RFXAP: variants seen among roughly 807,000 people sequenced by gnomAD.
RFXAP encodes the protein regulatory factor X associated protein, also known as regulatory factor X-associated protein.
Under a neutral mutation model 25.7 loss-of-function variants are expected in RFXAP, and 21 were observed. That is an observed-to-expected ratio of 0.82 (90% CI 0.58 to 1.18). The LOEUF (loss-of-function observed/expected upper bound fraction) is 1.18. Among genes scored for constraint, RFXAP ranks in the 50% most tolerant of loss-of-function variants. The pLI, the probability that RFXAP is intolerant of heterozygous loss-of-function variation, is 0.00. For missense variants in RFXAP, 333 were observed against 363.0 expected, an observed-to-expected ratio of 0.92 and a Z score of 0.67; for synonymous variants, 161 against 152.2, an observed-to-expected ratio of 1.06 and a Z score of -0.43.
intron 1 of RFXAP, among the ~76,000 whole-genome samples, chr13:36,824,562 T>C (rs1367465867): frequency 6.6e-6 from 1 of 152,134 alleles, no homozygotes; most frequent in Non-Finnish European, 1.5e-5. Flanking sequence ...CGGTAAAACA[T>C]TTATAATTTT....
At chr13:36,822,310 C>G (rs965325335) in intron 1 of RFXAP, among the ~76,000 whole-genome samples, 2 of 151,844 alleles carry the variant, frequency 1.3e-5, no homozygotes, top group Admixed American at 6.6e-5. Flanking sequence ...AGTCTGGTCT[C>G]GAACTCCTGA....
Position 36,819,953 on chromosome 13 carries a change from T to A in RFXAP, c.596T>A (p.Leu199His), listed in dbSNP as rs2057956723. 3 of 1,613,536 alleles carry A rather than the reference T, an allele frequency of 1.9e-6. No homozygotes were observed. The Admixed American group carries it at 5.0e-5, about 27-fold the overall frequency. The change falls in exon 1 of 3, where the codon CTC becomes CAC. Residue 199 changes from leucine to histidine, a missense_variant. Transcript: ENST00000255476. The stretch of plus-strand genomic sequence containing the variant: ...ACTGGCAGCGCGGGAAACGTCAAAC[T>A]CGAGGTATCAGACTTAGCTGAGGCC... Reference protein sequence around the residue: ...ASTGSAGNVKLEESADNILSI... With the variant: ...ASTGSAGNVKHEESADNILSI...
intron 1 of RFXAP, among the ~76,000 whole-genome samples, chr13:36,824,994 T>C (rs1370020540): frequency 1.3e-5 from 2 of 152,204 alleles, no homozygotes; most frequent in African/African-American, 2.4e-5. Context: ...TGAGTTCATA[T>C]ATTTCATCCA....
At position 36,819,475 on chromosome 13, in the gene RFXAP, G is replaced by A; in HGVS notation, c.118G>A (p.Ala40Thr). The A allele has an allele frequency of 6.6e-7, 1 of 1,518,880 alleles. No homozygotes were observed. Among genetic ancestry groups the A allele is most frequent in the Non-Finnish European group, 8.8e-7 (1 of 1,132,818 alleles). The allele number at this position is 1,518,880 out of a possible 1,614,324, so 94.1% of individuals were successfully genotyped here. The change falls in exon 1 of 3, where the codon GCG becomes ACG. Residue 40 changes from alanine (A) to threonine (T), a missense_variant. Transcript: ENST00000255476. ...PTLAPASVAAAASQFTLLVMQ... is the reference protein window; with the variant it reads ...PTLAPASVAATASQFTLLVMQ... ...CTTGGCGCCAGCCTCGGTGGCGGCC[G>A]CGGCCTCTCAATTCACCCTGCTAGT... is the stretch of plus-strand genomic sequence containing the variant.
intron 1 of RFXAP, 42 bp from the exon 2 acceptor site, chr13:36,825,386 C>T (rs373333634): frequency 1.6e-5 from 22 of 1,350,140 alleles, no homozygotes; most frequent in Admixed American, 6.7e-5. Flanking sequence ...TGACTTATTA[C>T]GTTAACTGTT....
In RFXAP at chr13:36,825,384, T is replaced by G. The variant is rs1186025485; in HGVS notation, c.601-44T>G. 3.7e-6 allele frequency: 5 copies of G among 1,338,222 alleles called. No individual in the cohort carries two copies. In the South Asian group the frequency reaches 5.9e-5, roughly 16 times the overall value. 82.9% of individuals were successfully genotyped at this position (1,338,222 alleles called of 1,614,324 possible). A position where few individuals can be genotyped will look rare whatever the true frequency, so the allele number is the denominator to read the frequency against. ...TGAAATACCTGTAATCATGACTTAT[T>G]ACGTTAACTGTTTATCTATTTGCAT... On this transcript the variant is annotated intron_variant, in intron 1 of 2. Coordinates refer to ENST00000255476, the MANE Select transcript of RFXAP (RefSeq NM_000538.4).
chr13:36,824,668 G>A (rs973395437), intron 1 of RFXAP, among the ~76,000 whole-genome samples: 4 of 152,098 alleles, frequency 2.6e-5, no homozygotes, highest in Non-Finnish European at 5.9e-5. Context: ...ATTTTGTTAT[G>A]CCAGCAAAAT....
At position 36,819,794 on chromosome 13, in the gene RFXAP, G is replaced by C; in HGVS notation, c.437G>C (p.Cys146Ser). ...SMSKTCTYEG[C>S]SETTSQVAKQ... Reference sequence around the variant, plus strand: ...AGCAAGACCTGCACCTACGAAGGCTGCAGCGAGACCACGAGCCAGGTGGCC... The same window carrying C: ...AGCAAGACCTGCACCTACGAAGGCTCCAGCGAGACCACGAGCCAGGTGGCC... The change falls in exon 1 of 3, where the codon TGC (cysteine) becomes TCC (serine). Residue 146 changes from cysteine (C) to serine (S), a missense_variant. Physicochemically the swap from Cys to Ser is moderately radical, Grantham distance 112 (BLOSUM62 -1). Transcript: ENST00000255476. 1.3e-6 allele frequency: 2 copies of C among 1,584,660 alleles called. No individual in the cohort carries two copies. Among genetic ancestry groups the C allele is most frequent in the South Asian group, 2.3e-5 (2 of 87,242 alleles).
intron 1 of RFXAP, among the ~76,000 whole-genome samples, chr13:36,821,214 TAAAAAAAAAAAAAA>T (rs10573140): frequency 6.7e-5 from 7 of 104,848 alleles, no homozygotes; most frequent in Admixed American, 1.1e-4. Flanking sequence ...CCTGTCTCCT[TAAAAAAAAAAAAAA>T]AAAAAAAAAA....
intron 1 of RFXAP, among the ~76,000 whole-genome samples, chr13:36,820,655 A>AG (rs1217667024): frequency 4.6e-5 from 7 of 152,042 alleles, no homozygotes; most frequent in Middle Eastern, 3.2e-3. Flanking sequence ...AGTACCCCTG[A>AG]GGGGGGAAAA....
At chr13:36,825,344 T>C in intron 1 of RFXAP, 84 bp from the exon 2 acceptor site, 1 of 1,026,104 alleles carries the variant, frequency 9.7e-7, no homozygotes, top group East Asian at 2.4e-5. Flanking sequence ...TGCAAAGACC[T>C]GTTCATTACA....
rs2138212562 is a variant in RFXAP at position 36,819,575 on chromosome 13, A to G, written c.218A>G (p.Tyr73Cys). The G allele has an allele frequency of 6.5e-7, 1 of 1,530,284 alleles. No individual in the cohort carries two copies. The highest frequency in any genetic ancestry group is 2.4e-5 in the East Asian group (1 of 41,098). 94.8% of individuals were successfully genotyped at this position (1,530,284 alleles called of 1,614,324 possible). A position where few individuals can be genotyped will look rare whatever the true frequency, so the allele number is the denominator to read the frequency against. The change falls in exon 1 of 3, where the codon TAC becomes TGC. Residue 73 changes from tyrosine (Y) to cysteine (C), a missense_variant. Physicochemically the swap from Tyr to Cys is radical, Grantham distance 194. Coordinates refer to ENST00000255476, the MANE Select transcript of RFXAP (RefSeq NM_000538.4). ...GTTGGGGCGGGCAAGCCCGTTAGGT[A>G]CCTGTGCGAAGGGGCCGGGGATGGC... is the stretch of plus-strand genomic sequence containing the variant. ...GSVGAGKPVR[Y>C]LCEGAGDGEE...
intron 2 of RFXAP, among the ~76,000 whole-genome samples, chr13:36,826,442 TC>T (rs67591113): frequency 0.096 from 14,677 of 152,214 alleles, 919 homozygotes; most frequent in East Asian, 0.29. Flanking sequence ...GTGGAGACTT[TC>T]ATGAAATGGA....
chr13:36,823,413 T>A (rs565368575), intron 1 of RFXAP, among the ~76,000 whole-genome samples: 11 of 152,308 alleles, frequency 7.2e-5, no homozygotes, highest in African/African-American at 2.6e-4. Flanking sequence ...TTGAAGCCAG[T>A]TTTTTATAGT....
At position 36,819,663 on chromosome 13, in the gene RFXAP, C is replaced by T. The variant is rs772207747; in HGVS notation, c.306C>T (p.Gly102=). ...ACACTTCGGACCCTCCGGGGGGAGG[C>T]GAGAGCGCGGCTAGTTTGGAGGATC... is the stretch of plus-strand genomic sequence containing the variant. ...LLDTSDPPGG[G]ESAASLEDLE... is the part of the protein sequence containing the mutation. The change falls in exon 1 of 3, where the codon GGC becomes GGT. Residue 102 remains glycine, a synonymous_variant. Coordinates refer to ENST00000255476, the MANE Select transcript of RFXAP (RefSeq NM_000538.4). 16 of 1,548,054 alleles carry T rather than the reference C, an allele frequency of 1.0e-5. No homozygotes were observed. The East Asian group carries it at 3.4e-4, about 33-fold the overall frequency.
rs192716299 is a variant in RFXAP at position 36,820,495 on chromosome 13, C to T, written c.600+538C>T. 1.1e-4 allele frequency among the ~76,000 whole-genome samples: 16 copies of T among 148,724 alleles called. 1 individual carries two copies. The highest frequency in any genetic ancestry group is 3.3e-4 in the Admixed American group (5 of 15,178). ...ATACTCAGTTGCCTGTCTGTAGTAC[C>T]CCTGTACGTAGTACTCTTTTCTTAC... On this transcript the variant is annotated intron_variant, in intron 1 of 2. Coordinates refer to ENST00000255476, the MANE Select transcript of RFXAP (RefSeq NM_000538.4).
At chr13:36,827,445 G>A (rs990851707) in intron 2 of RFXAP, among the ~76,000 whole-genome samples, 198 bp from the exon 3 acceptor site, 1 of 152,138 alleles carries the variant, frequency 6.6e-6, no homozygotes, top group African/African-American at 2.4e-5. Flanking sequence ...TTAGGTTTTA[G>A]TATTTTGATG....
Position 36,819,798 on chromosome 13 carries a change from C to A in RFXAP, c.441C>A (p.Ser147Arg), listed in dbSNP as rs2057956017. ...MSKTCTYEGC[S>R]ETTSQVAKQR... is the part of the protein sequence containing the mutation. ...AGACCTGCACCTACGAAGGCTGCAG[C>A]GAGACCACGAGCCAGGTGGCCAAGC... The change falls in exon 1 of 3, where the codon AGC (serine) becomes AGA (arginine). Residue 147 changes from serine (S) to arginine (R), a missense_variant. Physicochemically the swap from Ser to Arg is moderately radical, Grantham distance 110. Coordinates refer to ENST00000255476, the MANE Select transcript of RFXAP (RefSeq NM_000538.4). 6.3e-7 allele frequency: 1 copy of A among 1,587,542 alleles called. No homozygotes were observed. Among genetic ancestry groups the A allele is most frequent in the Non-Finnish European group, 8.6e-7 (1 of 1,166,166 alleles).
At chr13:36,823,566 G>A (rs1028654133) in intron 1 of RFXAP, among the ~76,000 whole-genome samples, 2 of 152,290 alleles carry the variant, frequency 1.3e-5, no homozygotes, top group Admixed American at 6.5e-5. Context: ...GATTATTATA[G>A]TAGGACTGAC....
Sources: gnomAD v4.1 joint callset for allele counts (sites outside exome capture counted in the v4.1 genomes callset) on GRCh38, gnomAD v4.1.1 for gene constraint, MANE v1.5 for transcripts, NCBI Gene and HGNC (gene_info 2026-07-23, HGNC 2026-07-21) for gene names.